SLC34A1: variants seen among roughly 807,000 people sequenced by gnomAD.
The protein encoded by SLC34A1 is solute carrier family 34 member 1.
SLC34A1 carries 57 observed loss-of-function variants against 51.4 expected under a neutral mutation model. That is an observed-to-expected ratio of 1.11 (90% confidence interval 0.90 to 1.38). The LOEUF is 1.38. Among genes scored for constraint, SLC34A1 ranks in the 40% most tolerant of loss-of-function variants. The probability of loss-of-function intolerance (pLI) is 0.00; values close to 1 mark genes in which losing one functional copy is unlikely to be tolerated. For synonymous variants in SLC34A1, 368 were observed against 358.0 expected (o/e 1.03, Z -0.32); for missense variants, 796 against 835.6 (o/e 0.95, Z 0.58).
At position 177,396,874 on chromosome 5, in the gene SLC34A1, T is replaced by TG. The variant is rs758037716; in HGVS notation, c.1291+29dup. The TG allele has an allele frequency of 6.2e-7, 1 of 1,613,916 alleles. No individual in the cohort carries two copies. The highest frequency in any genetic ancestry group is 2.2e-5 in the East Asian group (1 of 44,860). ...GGTGAGTGCCCATGTAGAGGTGGAGTGGGGTGGGCCAGGGCTGGCAGGGAA... is the reference window on the plus strand; with the variant it reads ...GGTGAGTGCCCATGTAGAGGTGGAGTGGGGGTGGGCCAGGGCTGGCAGGGAA... On this transcript the variant is annotated intron_variant, in intron 11 of 12. Coordinates refer to ENST00000324417, the MANE Select transcript of SLC34A1 (RefSeq NM_003052.5). This position sits in a 1 kb window ranked among gnomAD's most constrained non-coding sequence, Gnocchi z 4.0.
At chr5:177,391,479 C>T (rs1762801792) in intron 8 of SLC34A1, among the ~76,000 whole-genome samples, 1 of 152,242 alleles carries the variant, frequency 6.6e-6, no homozygotes, top group Admixed American at 6.5e-5. Flanking sequence ...ACAGAGACCA[C>T]TGGGCCCAGC....
Position 177,397,174 on chromosome 5 carries a change from C to T in SLC34A1, c.1416+100C>T, listed in dbSNP as rs953928455. 6 of 1,471,888 alleles carry T rather than the reference C, an allele frequency of 4.1e-6. No homozygotes were observed. In the Admixed American group the frequency reaches 1.2e-4, roughly 29 times the overall value. 91.2% of individuals were successfully genotyped at this position (1,471,888 alleles called of 1,614,324 possible). On this transcript the variant is annotated intron_variant, in intron 12 of 12. Coordinates refer to ENST00000324417, the MANE Select transcript of SLC34A1 (RefSeq NM_003052.5). ...CAACATGGAACAAATATTTTGACTG[C>T]CTACTAAGGGCCACCTAATATGCTC...
In SLC34A1 at chr5:177,394,026, A is replaced by G. The variant is rs762574393; in HGVS notation, c.1007-2A>G. The G allele has an allele frequency of 1.2e-6, 2 of 1,613,988 alleles. No individual in the cohort carries two copies. The highest frequency in any genetic ancestry group is 2.2e-5 in the South Asian group (2 of 91,084). On this transcript the variant is annotated splice_acceptor_variant, in intron 9 of 12. Coordinates refer to ENST00000324417, the MANE Select transcript of SLC34A1 (RefSeq NM_003052.5). LOFTEE classifies it high-confidence loss of function. ...AGCTGTCAGGAGCTCCACCCCCTGC[A>G]GGCAACCACATCTTTGTGGACACTG... is the stretch of plus-strand genomic sequence containing the variant.
intron 8 of SLC34A1, chr5:177,389,601 G>T: frequency 6.5e-7 from 1 of 1,537,104 alleles, no homozygotes; most frequent in South Asian, 1.2e-5. Context: ...AGCACTCTTA[G>T]TGCTCTCTGA....
At chr5:177,391,298 C>A (rs1762794901) in intron 8 of SLC34A1, among the ~76,000 whole-genome samples, 2 of 152,218 alleles carry the variant, frequency 1.3e-5, no homozygotes, top group Admixed American at 1.3e-4. Flanking sequence ...CTCTCTTGTA[C>A]TTTAGGGTCT....
At chr5:177,384,753 T>C (rs1762499587) in intron 1 of SLC34A1, among the ~76,000 whole-genome samples, 1 of 151,654 alleles carries the variant, frequency 6.6e-6, no homozygotes, top group South Asian at 2.1e-4. Flanking sequence ...TCCCAGCTAC[T>C]TGGGAGGCTG....
In SLC34A1 at chr5:177,385,754, G is replaced by A. The variant is rs193920767; in HGVS notation, c.13G>A (p.Gly5Arg). Residue 5 changes from glycine (G) to arginine (R), a missense_variant, in exon 2 of 13, where the codon GGA (glycine) becomes AGA (arginine). Coordinates refer to ENST00000324417, the MANE Select transcript of SLC34A1 (RefSeq NM_003052.5). The part of the protein sequence containing the change: MLSY[G>R]ERLGSPAVSP... ...GTGGGTGCCCAGGATGTTGTCCTAC[G>A]GAGAGAGGCTGGGGTCCCCTGCTGT... is the stretch of plus-strand genomic sequence containing the variant. The A allele has an allele frequency of 6.2e-6, 10 of 1,612,818 alleles. No homozygotes were observed. In the South Asian group the frequency reaches 7.7e-5, roughly 12 times the overall value.
In SLC34A1 at chr5:177,396,657, C is replaced by G. The variant is rs1431632306; in HGVS notation, c.1175-76C>G. On this transcript the variant is annotated intron_variant, in intron 10 of 12. Coordinates refer to ENST00000324417, the MANE Select transcript of SLC34A1 (RefSeq NM_003052.5). The surrounding 1 kb of genome is among the most constrained non-coding windows in gnomAD (Gnocchi z 4.0). ...GTGCCCCCGCGGAGGTCCGCTCTCCCAGTGCCCCCGCGGAGGTCTGCTCTC... is the reference window on the plus strand; with the variant it reads ...GTGCCCCCGCGGAGGTCCGCTCTCCGAGTGCCCCCGCGGAGGTCTGCTCTC... The G allele has an allele frequency of 8.0e-7, 1 of 1,253,614 alleles. No homozygotes were observed. The highest frequency in any genetic ancestry group is 1.5e-5 in the African/African-American group (1 of 68,062). 77.7% of individuals were successfully genotyped at this position (1,253,614 alleles called of 1,614,324 possible). A position where few individuals can be genotyped will look rare whatever the true frequency, so the allele number is the denominator to read the frequency against.
At position 177,396,813 on chromosome 5, in the gene SLC34A1, A is replaced by T. The variant is rs758817049; in HGVS notation, c.1255A>T (p.Ser419Cys). ...CAGCATGACCTTCGTGGTCCAGAGC[A>T]GTTCTGTGTTCACCTCGGCCATCAC... Reference protein sequence around the residue: ...GASMTFVVQSSSVFTSAITPL... With the variant: ...GASMTFVVQSCSVFTSAITPL... Residue 419 changes from serine to cysteine, a missense_variant, in exon 11 of 13, where the codon AGT (serine) becomes TGT (cysteine). Coordinates refer to ENST00000324417, the MANE Select transcript of SLC34A1 (RefSeq NM_003052.5). This position sits in a 1 kb window ranked among gnomAD's most constrained non-coding sequence, Gnocchi z 4.0. 5 of 1,614,216 alleles carry T rather than the reference A, an allele frequency of 3.1e-6. No individual in the cohort carries two copies. The Admixed American group carries it at 8.3e-5, about 27-fold the overall frequency.
intron 1 of SLC34A1, among the ~76,000 whole-genome samples, chr5:177,384,999 C>A (rs1195186277): frequency 1.3e-5 from 2 of 152,164 alleles, no homozygotes; most frequent in African/African-American, 2.4e-5. Context: ...ATAGCCAAGA[C>A]TCCTGGGGCA....
In SLC34A1 at chr5:177,392,970, T is replaced by C. The variant is rs568510854; in HGVS notation, c.937-724T>C. On this transcript the variant is annotated intron_variant, in intron 8 of 12. Transcript: ENST00000324417. ...AGAGTTGTGGCTTTTCTCATAGAAA[T>C]TGGGCAATTTAGCCACACTAGGCTG... Among the ~76,000 whole-genome samples the C allele has an allele frequency of 1.8e-4, 28 of 152,204 alleles. No individual in the cohort carries two copies. In the East Asian group the frequency reaches 2.7e-3, roughly 15 times the overall value.
At position 177,397,154 on chromosome 5, in the gene SLC34A1, T is replaced by C. The variant is rs1762998792; in HGVS notation, c.1416+80T>C. On this transcript the variant is annotated intron_variant, in intron 12 of 12. Transcript: ENST00000324417. ...GGGGCCTCACAAAGGTGTGACAACA[T>C]GGAACAAATATTTTGACTGCCTACT... The C allele has an allele frequency of 3.2e-6, 5 of 1,550,212 alleles. No homozygotes were observed. In the South Asian group the frequency reaches 3.5e-5, roughly 11 times the overall value.
At position 177,396,841 on chromosome 5, in the gene SLC34A1, C is replaced by A; in HGVS notation, c.1283C>A (p.Pro428Gln). The change falls in exon 11 of 13, where the codon CCA becomes CAA. Residue 428 changes from proline to glutamine, a missense_variant. Pro to Gln is a moderately conservative substitution (Grantham distance 76). Transcript: ENST00000324417. This position sits in a 1 kb window ranked among gnomAD's most constrained non-coding sequence, Gnocchi z 4.0. Reference sequence around the variant, plus strand: ...TCTGTGTTCACCTCGGCCATCACCCCACTCATCGGTGAGTGCCCATGTAGA... The same window carrying A: ...TCTGTGTTCACCTCGGCCATCACCCAACTCATCGGTGAGTGCCCATGTAGA... Reference protein sequence around the residue: ...SSSVFTSAITPLIGLGVISIE... With the variant: ...SSSVFTSAITQLIGLGVISIE... The A allele has an allele frequency of 6.2e-7, 1 of 1,614,246 alleles. No individual in the cohort carries two copies. Among genetic ancestry groups the A allele is most frequent in the Non-Finnish European group, 8.5e-7 (1 of 1,180,042 alleles).
intron 10 of SLC34A1, among the ~76,000 whole-genome samples, chr5:177,395,761 T>G (rs1159844932): frequency 6.6e-6 from 1 of 152,130 alleles, no homozygotes; most frequent in East Asian, 1.9e-4. Flanking sequence ...GTCTCCTGAG[T>G]AAACTGGGAT....
rs2127355139 is a variant in SLC34A1, at chr5:177,396,730, C to A, written c.1175-3C>A. Reference sequence around the variant, plus strand: ...AGCCTGCTGGGATGCGGTTTCCTTGCAGACTTCCCTGCCCCCTTCACCTGG... The same window carrying A: ...AGCCTGCTGGGATGCGGTTTCCTTGAAGACTTCCCTGCCCCCTTCACCTGG... On this transcript the variant is annotated splice_region_variant and splice_polypyrimidine_tract_variant and intron_variant, in intron 10 of 12. Coordinates refer to ENST00000324417, the MANE Select transcript of SLC34A1 (RefSeq NM_003052.5). This position sits in a 1 kb window ranked among gnomAD's most constrained non-coding sequence, Gnocchi z 4.0. 2 of 1,613,874 alleles carry A rather than the reference C, an allele frequency of 1.2e-6. No individual in the cohort carries two copies. The highest frequency in any genetic ancestry group is 1.7e-6 in the Non-Finnish European group (2 of 1,179,706).
rs1023538444 is a variant in SLC34A1 at position 177,386,940 on chromosome 5, A to G, written c.532+374A>G. On this transcript the variant is annotated intron_variant, in intron 5 of 12. Coordinates refer to ENST00000324417, the MANE Select transcript of SLC34A1 (RefSeq NM_003052.5). The surrounding 1 kb of genome is among the most constrained non-coding windows in gnomAD (Gnocchi z 4.8). ...CTATTGGATTAGGCTGACCCAGGTT[A>G]CCAAGGATAATCTCCTTTTCTTAAA... 6.6e-6 allele frequency among the ~76,000 whole-genome samples: 1 copy of G among 152,090 alleles called. No homozygotes were observed. The highest frequency in any genetic ancestry group is 2.4e-5 in the African/African-American group (1 of 41,428).
rs565406577 is a variant in SLC34A1, at chr5:177,396,424, G to A, written c.1175-309G>A. 3.3e-5 allele frequency among the ~76,000 whole-genome samples: 5 copies of A among 151,416 alleles called. No individual in the cohort carries two copies. Among genetic ancestry groups the A allele is most frequent in the East Asian group, 1.9e-4 (1 of 5,140 alleles). On this transcript the variant is annotated intron_variant, in intron 10 of 12. Coordinates refer to ENST00000324417, the MANE Select transcript of SLC34A1 (RefSeq NM_003052.5). This position sits in a 1 kb window ranked among gnomAD's most constrained non-coding sequence, Gnocchi z 4.0. ...GGAGGTCGTCTCTCCCAGTGCCCCC[G>A]CGGAGATCCGCTCTCCCAGTGCCCC...
In SLC34A1 at chr5:177,388,236, C is replaced by T; in HGVS notation, c.841-41C>T. 5.0e-6 allele frequency: 8 copies of T among 1,613,802 alleles called. No individual in the cohort carries two copies. The highest frequency in any genetic ancestry group is 6.8e-6 in the Non-Finnish European group (8 of 1,179,782). On this transcript the variant is annotated intron_variant, in intron 7 of 12. Transcript: ENST00000324417. This position sits in a 1 kb window ranked among gnomAD's most constrained non-coding sequence, Gnocchi z 4.3. ...GGGTGAGGGTGGGGGTAACAAGGGA[C>T]CCAGCCTCCTTCACTCCCCCTGCCC... is the stretch of plus-strand genomic sequence containing the variant.
At chr5:177,387,386 C>T (rs1284087049) in intron 5 of SLC34A1, among the ~76,000 whole-genome samples, 1 of 152,178 alleles carries the variant, frequency 6.6e-6, no homozygotes, top group African/African-American at 2.4e-5. Context: ...CAGAGCGAGA[C>T]TCTGTCTCAA....
Sources: allele counts gnomAD v4.1 joint callset (sites outside exome capture counted in the v4.1 genomes callset), GRCh38; gene constraint gnomAD v4.1.1; non-coding constraint Gnocchi (gnomAD v3.1); transcripts MANE v1.5; gene names NCBI Gene and HGNC (gene_info 2026-07-23, HGNC 2026-07-21).